NEGR1: variants seen among roughly 807,000 people sequenced by gnomAD.
NEGR1 encodes neuronal growth regulator 1.
NEGR1 carries 10 observed loss-of-function variants against 40.9 expected under a neutral mutation model. The observed-to-expected ratio is 0.24, with a 90% CI of 0.15 to 0.42. NEGR1 has a LOEUF of 0.42. Among genes scored for constraint, NEGR1 ranks in the 10% least tolerant of loss-of-function variants. The pLI, the probability that NEGR1 is intolerant of heterozygous loss-of-function variation, is 1.00. For synonymous variants in NEGR1, 185 were observed against 166.8 expected, an observed-to-expected ratio of 1.11 and a Z score of -0.84; for missense variants, 352 against 438.9, an observed-to-expected ratio of 0.80 and a Z score of 1.77.
intron 2 of NEGR1, among the ~76,000 whole-genome samples, chr1:71,851,112 T>G (rs1015613634): frequency 4.6e-5 from 7 of 152,122 alleles, no homozygotes; most frequent in African/African-American, 1.7e-4. Context: ...GCTTTGGCTA[T>G]CTACATGACA....
chr1:71,615,257 C>G (rs902732487), intron 4 of NEGR1, among the ~76,000 whole-genome samples: 1 of 150,996 alleles, frequency 6.6e-6, no homozygotes, highest in South Asian at 2.1e-4. Flanking sequence ...TCTGTTGATT[C>G]AACACATATT....
Position 71,512,101 on chromosome 1 carries a change from T to C in NEGR1, c.940+80716A>G, listed in dbSNP as rs114029245. 5.4e-3 allele frequency among the ~76,000 whole-genome samples: 822 copies of C among 152,302 alleles called. 10 individuals carry two copies. Among genetic ancestry groups the C allele is most frequent in the African/African-American group, 0.019 (795 of 41,576 alleles). ...ATTAAAGTACTATGAATAGTCTTTA[T>C]TCTCAAATAAAACCAATATTATCCT... On this transcript the variant is annotated intron_variant, in intron 6 of 6. Coordinates refer to ENST00000357731, the MANE Select transcript of NEGR1 (RefSeq NM_173808.3).
At chr1:71,938,410 GTTTT>G (rs571760372) in intron 1 of NEGR1, among the ~76,000 whole-genome samples, 2 of 109,886 alleles carry the variant, frequency 1.8e-5, no homozygotes, top group Admixed American at 9.3e-5. Context: ...ATGTGTAGGT[GTTTT>G]TTTTTTTTTT....
At chr1:71,778,594 T>TA (rs1444540519) in intron 2 of NEGR1, among the ~76,000 whole-genome samples, 2 of 152,154 alleles carry the variant, frequency 1.3e-5, no homozygotes, top group African/African-American at 2.4e-5. Flanking sequence ...TGCCCACTAT[T>TA]AAAAAAATTA....
chr1:71,442,009 G>A (rs888945442), intron 6 of NEGR1, among the ~76,000 whole-genome samples: 2 of 151,916 alleles, frequency 1.3e-5, no homozygotes, highest in African/African-American at 4.8e-5. Flanking sequence ...GCTGAAATAG[G>A]TGAATGTACT....
chr1:71,398,079 T>A lies in NEGR1; in HGVS notation c.*9367A>T, dbSNP rs2101244296. The A allele has an allele frequency of 6.6e-6, 1 of 152,340 alleles. No individual in the cohort carries two copies. The highest frequency in any genetic ancestry group is 2.1e-4 in the South Asian group (1 of 4,824). 9.4% of individuals were successfully genotyped at this position (152,340 alleles called of 1,614,324 possible). Reference sequence around the variant, plus strand: ...AAATTGAGGCTTGGAAACCACCACCTAAATTTCAGAGGATGTATAGAAATG... The same window carrying A: ...AAATTGAGGCTTGGAAACCACCACCAAAATTTCAGAGGATGTATAGAAATG... On this transcript the variant is annotated 3_prime_UTR_variant, in exon 7 of 7. Coordinates refer to ENST00000357731, the MANE Select transcript of NEGR1 (RefSeq NM_173808.3).
chr1:71,672,375 T>C (rs919783272), intron 4 of NEGR1, among the ~76,000 whole-genome samples: 8 of 152,200 alleles, frequency 5.3e-5, no homozygotes, highest in African/African-American at 1.9e-4. Flanking sequence ...ATGAGTAGCA[T>C]TTAAAACATA....
chr1:71,861,745 G>A (rs893262907), intron 2 of NEGR1, among the ~76,000 whole-genome samples: 2 of 152,064 alleles, frequency 1.3e-5, no homozygotes, highest in African/African-American at 2.4e-5. Flanking sequence ...GTTATTAGGA[G>A]CATAATGCAG....
At chr1:71,879,667 A>G (rs3851882) in intron 2 of NEGR1, among the ~76,000 whole-genome samples, 37,195 of 152,080 alleles carry the variant, frequency 0.24, 4,837 homozygotes, top group East Asian at 0.5. Context: ...TCTATGAAAA[A>G]CAACATAACT....
At chr1:71,821,548 A>G (rs925656681) in intron 2 of NEGR1, among the ~76,000 whole-genome samples, 1 of 152,014 alleles carries the variant, frequency 6.6e-6, no homozygotes, top group African/African-American at 2.4e-5. Context: ...GTGAAACCAG[A>G]GTAGAAAGGG....
intron 6 of NEGR1, among the ~76,000 whole-genome samples, chr1:71,484,513 TC>T (rs1431386627): frequency 6.6e-6 from 1 of 151,750 alleles, no homozygotes; most frequent in African/African-American, 2.4e-5. Flanking sequence ...AATGAGATTA[TC>T]CCCTTAGAAA....
chr1:72,182,124 G>A (rs1225513536), intron 1 of NEGR1, among the ~76,000 whole-genome samples: 1 of 152,144 alleles, frequency 6.6e-6, no homozygotes, highest in Admixed American at 6.5e-5. Context: ...CTTTAGTATA[G>A]TAAGCTTATT....
chr1:72,058,379 A>G (rs1199689980), intron 1 of NEGR1, among the ~76,000 whole-genome samples: 1 of 151,614 alleles, frequency 6.6e-6, no homozygotes, highest in African/African-American at 2.4e-5. Flanking sequence ...TTATTATGAT[A>G]TCTGGCATGT....
At chr1:72,187,590 C>T (rs1188690288) in intron 1 of NEGR1, among the ~76,000 whole-genome samples, 41 of 150,364 alleles carry the variant, frequency 2.7e-4, no homozygotes, top group Non-Finnish European at 3.0e-5. Flanking sequence ...AGGACCAAAA[C>T]AAACAAACAA....
chr1:71,423,677 A>G (rs1646411369), intron 6 of NEGR1, among the ~76,000 whole-genome samples: 1 of 152,146 alleles, frequency 6.6e-6, no homozygotes, highest in African/African-American at 2.4e-5. Flanking sequence ...ACGTAATTCC[A>G]CTGTTAAATA....
intron 2 of NEGR1, among the ~76,000 whole-genome samples, chr1:71,797,555 G>C (rs1657384777): frequency 6.6e-6 from 1 of 152,118 alleles, no homozygotes; most frequent in African/African-American, 2.4e-5. Flanking sequence ...ATACATCAAA[G>C]TGATTTAGAG....
intron 2 of NEGR1, among the ~76,000 whole-genome samples, chr1:71,923,981 T>A (rs1198618926): frequency 6.6e-6 from 1 of 151,836 alleles, no homozygotes; most frequent in East Asian, 1.9e-4. Context: ...CGATCACCAC[T>A]CACTGTAGCC....
At chr1:72,034,590 T>C (rs1646886472) in intron 1 of NEGR1, among the ~76,000 whole-genome samples, 1 of 152,108 alleles carries the variant, frequency 6.6e-6, no homozygotes, top group African/African-American at 2.4e-5. Flanking sequence ...CTTTTGTCCA[T>C]AAGAAATTGA....
intron 1 of NEGR1, among the ~76,000 whole-genome samples, chr1:71,963,376 T>A (rs956013474): frequency 1.3e-5 from 2 of 152,162 alleles, no homozygotes; most frequent in African/African-American, 4.8e-5. Context: ...TACAGAGAAC[T>A]GTTACTATTC....
Sources: allele counts gnomAD v4.1 joint callset (sites outside exome capture counted in the v4.1 genomes callset), GRCh38; gene constraint gnomAD v4.1.1; transcripts MANE v1.5; gene names NCBI Gene and HGNC (gene_info 2026-07-23, HGNC 2026-07-21).